Variants in CGNL1 observed in about 807,000 individuals in gnomAD.
CGNL1 encodes the protein cingulin-like protein 1.
In CGNL1, 132 loss-of-function variants were observed where a neutral mutation model predicts 141.2. The observed-to-expected ratio is 0.93, with a 90% CI of 0.81 to 1.08. The LOEUF (loss-of-function observed/expected upper bound fraction) is 1.08. Ranked by LOEUF, CGNL1 falls within the 50% of genes least tolerant of loss-of-function variation. CGNL1 has a pLI of 0.00. For missense variants in CGNL1, 1,870 were observed against 1,588.6 expected (o/e 1.18, Z -3.01); for synonymous variants, 690 against 622.1 (o/e 1.11, Z -1.63).
At chr15:57,423,211 C>T (rs764523850) in intron 1 of CGNL1, among the ~76,000 whole-genome samples, 1 of 152,158 alleles carries the variant, frequency 6.6e-6, no homozygotes, top group Non-Finnish European at 1.5e-5. Context: ...CAGCTGAACT[C>T]AGACAACAGG....
rs78209524 is a variant in CGNL1, at chr15:57,431,298, T to A, written c.-15-6687T>A. On this transcript the variant is annotated intron_variant, in intron 1 of 18. Coordinates refer to ENST00000281282, the MANE Select transcript of CGNL1 (RefSeq NM_032866.5). ...CAAACCTCAAGTTTATTTTTGAAAT[T>A]GTTTTCCCAGGGAGTTCTGAAGGGT... Among the ~76,000 whole-genome samples the A allele has an allele frequency of 6.5e-3, 995 of 152,332 alleles. 16 individuals are homozygous for A. Among genetic ancestry groups the A allele is most frequent in the African/African-American group, 0.023 (944 of 41,562 alleles).
chr15:57,417,065 GTTAA>G (rs1189128959), intron 1 of CGNL1, among the ~76,000 whole-genome samples: 2 of 152,160 alleles, frequency 1.3e-5, no homozygotes, highest in Non-Finnish European at 1.5e-5. Flanking sequence ...GCAAAATGGT[GTTAA>G]TTAATACTTA....
chr15:57,424,407 C>T (rs1242607580), intron 1 of CGNL1, among the ~76,000 whole-genome samples: 2 of 152,178 alleles, frequency 1.3e-5, no homozygotes, highest in Non-Finnish European at 2.9e-5. Context: ...CTTATTCATC[C>T]TCACTCTCCC....
intron 8 of CGNL1, among the ~76,000 whole-genome samples, chr15:57,483,399 T>G (rs1798072107): frequency 1.3e-5 from 2 of 152,136 alleles, no homozygotes; most frequent in African/African-American, 4.8e-5. Flanking sequence ...TATGTTTTTA[T>G]TTATGTTTAT....
intron 1 of CGNL1, among the ~76,000 whole-genome samples, chr15:57,426,531 C>T (rs1488363974): frequency 6.6e-6 from 1 of 151,482 alleles, no homozygotes; most frequent in Non-Finnish European, 1.5e-5. Flanking sequence ...ACTGCAGCCT[C>T]AACCTCCCAG....
intron 8 of CGNL1, among the ~76,000 whole-genome samples, chr15:57,485,221 G>A (rs534475224): frequency 6.6e-6 from 1 of 152,196 alleles, no homozygotes; most frequent in East Asian, 1.9e-4. Context: ...GTGCTTGGGT[G>A]TTTGCCTGTT....
intron 4 of CGNL1, among the ~76,000 whole-genome samples, chr15:57,447,805 CGTGTGTGTGTGTGTGTGTGTGT>C (rs3985737): frequency 1.4e-5 from 2 of 144,358 alleles, no homozygotes; most frequent in African/African-American, 5.1e-5. Flanking sequence ...TCTCTCTTTT[CGTGTGTGTGTGTGTGTGTGTGT>C]GTGTGTGTGT....
Position 57,446,665 on chromosome 15 carries a change from C to CTTTTT in CGNL1, c.1803+4202_1803+4206dup, listed in dbSNP as rs11327140. On this transcript the variant is annotated intron_variant, in intron 4 of 18. Transcript: ENST00000281282. Reference sequence around the variant, plus strand: ...AGGTGTAATGCCAAACTGAACATTACTTTTTTTTTTTTTTTTTTTGTAAAC... The same window carrying CTTTTT: ...AGGTGTAATGCCAAACTGAACATTACTTTTTTTTTTTTTTTTTTTTTTTTGTAAAC... Among the ~76,000 whole-genome samples the CTTTTT allele has an allele frequency of 1.0e-4, 12 of 116,710 alleles. 2 individuals carry two copies. Among genetic ancestry groups the CTTTTT allele is most frequent in the Non-Finnish European group, 1.6e-4 (9 of 56,980 alleles). The allele number at this position is 116,710 out of a possible 152,430, so 76.6% of individuals were successfully genotyped here.
intron 1 of CGNL1, among the ~76,000 whole-genome samples, chr15:57,407,626 T>C (rs1323303916): frequency 1.3e-5 from 2 of 152,134 alleles, no homozygotes; most frequent in African/African-American, 4.8e-5. Context: ...TGAACTGTGA[T>C]TGTGCCACCA....
Position 57,439,610 on chromosome 15 carries a change from A to C in CGNL1, c.1602+9A>C. The C allele has an allele frequency of 6.2e-7, 1 of 1,607,366 alleles. No individual in the cohort carries two copies. The highest frequency in any genetic ancestry group is 8.5e-7 in the Non-Finnish European group (1 of 1,176,118). On this transcript the variant is annotated intron_variant, in intron 2 of 18. Transcript: ENST00000281282. ...CGGCCTCAAATACTCAGGTAACACT[A>C]GTGCGATTCCTGTTTGGTTTTTTTT...
At chr15:57,509,058 G>A (rs1250494476) in intron 8 of CGNL1, among the ~76,000 whole-genome samples, 1 of 152,150 alleles carries the variant, frequency 6.6e-6, no homozygotes, top group Admixed American at 6.5e-5. Context: ...TGGGGGACTT[G>A]CTTTCCTAAC....
At chr15:57,426,750 C>T (rs1164442666) in intron 1 of CGNL1, among the ~76,000 whole-genome samples, 3 of 152,022 alleles carry the variant, frequency 2.0e-5, no homozygotes, top group African/African-American at 7.3e-5. Context: ...TGAGATACAG[C>T]TACTGGCCAG....
chr15:57,528,694 C>T lies in CGNL1; in HGVS notation c.3080C>T (p.Ala1027Val). 1 of 1,614,124 alleles carries T rather than the reference C, an allele frequency of 6.2e-7. No individual in the cohort carries two copies. The highest frequency in any genetic ancestry group is 8.5e-7 in the Non-Finnish European group (1 of 1,180,008). The change falls in exon 13 of 19, where the codon GCT (alanine) becomes GTT (valine). Residue 1027 changes from alanine (A) to valine (V), a missense_variant. Coordinates refer to ENST00000281282, the MANE Select transcript of CGNL1 (RefSeq NM_032866.5). ...MEEELRDYQR[A>V]QDEALTKRQL... ...GAAGAGTTACGGGACTACCAGAGAG[C>T]TCAGGATGAAGCACTCACAAAAAGG... is the stretch of plus-strand genomic sequence containing the variant.
chr15:57,399,262 C>T (rs1278850788), intron 1 of CGNL1, among the ~76,000 whole-genome samples: 1 of 152,180 alleles, frequency 6.6e-6, no homozygotes, highest in Non-Finnish European at 1.5e-5. Context: ...CTTATTTCTC[C>T]TATCTAGCTG....
At position 57,429,049 on chromosome 15, in the gene CGNL1, A is replaced by AC. The variant is rs1256883068; in HGVS notation, c.-15-8936_-15-8935insC. 3.9e-5 allele frequency among the ~76,000 whole-genome samples: 6 copies of AC among 152,070 alleles called. No homozygotes were observed. The East Asian group carries it at 7.7e-4, about 20-fold the overall frequency. ...AACAACAACAGCAATAAAAAAAAAA[A>AC]AAGTGCAGCTGCACAGTTTAAGAAC... On this transcript the variant is annotated intron_variant, in intron 1 of 18. Coordinates refer to ENST00000281282, the MANE Select transcript of CGNL1 (RefSeq NM_032866.5).
intron 1 of CGNL1, among the ~76,000 whole-genome samples, chr15:57,429,134 A>G (rs1222187424): frequency 2.0e-5 from 3 of 152,136 alleles, no homozygotes; most frequent in East Asian, 1.9e-4. Context: ...AGCGTGGTCT[A>G]ATGGTATTAA....
At position 57,438,236 on chromosome 15, in the gene CGNL1, A is replaced by G. The variant is rs769807707; in HGVS notation, c.237A>G (p.Pro79=). ...AAAATGGGCCACCCTTTCCACCTCC[A>G]GTGATAAATAACCTGCCTCTACATT... is the stretch of plus-strand genomic sequence containing the variant. ...FSENGPPFPP[P]VINNLPLHSS... Residue 79 remains proline, a synonymous_variant, in exon 2 of 19, where the codon CCA becomes CCG. Coordinates refer to ENST00000281282, the MANE Select transcript of CGNL1 (RefSeq NM_032866.5). 2.7e-5 allele frequency: 43 copies of G among 1,614,016 alleles called. No individual in the cohort carries two copies. The highest frequency in any genetic ancestry group is 3.4e-5 in the Non-Finnish European group (40 of 1,180,030).
chr15:57,404,480 G>C (rs185242756), intron 1 of CGNL1, among the ~76,000 whole-genome samples: 1 of 152,198 alleles, frequency 6.6e-6, no homozygotes, highest in Non-Finnish European at 1.5e-5. Context: ...ACATGTTGAA[G>C]GTGCTTATTG....
intron 1 of CGNL1, among the ~76,000 whole-genome samples, chr15:57,418,095 T>C (rs879505096): frequency 2.6e-5 from 4 of 151,968 alleles, no homozygotes; most frequent in Non-Finnish European, 4.4e-5. Context: ...GGGGGAAGCA[T>C]TTACAAGAGA....
Sources: gnomAD v4.1 joint callset for allele counts (sites outside exome capture counted in the v4.1 genomes callset) on GRCh38, gnomAD v4.1.1 for gene constraint, MANE v1.5 for transcripts, NCBI Gene and HGNC (gene_info 2026-07-23, HGNC 2026-07-21) for gene names.